Variants in PNPLA8 observed in about 807,000 individuals in gnomAD.
PNPLA8 encodes patatin like domain 8, phospholipase A2, also known as calcium-independent phospholipase A2-gamma.
In PNPLA8, 39 loss-of-function variants were observed where a neutral mutation model predicts 76.9. That is an observed-to-expected ratio of 0.51 (90% CI 0.39 to 0.66). PNPLA8 has a LOEUF of 0.66. Among genes scored for constraint, PNPLA8 ranks in the 30% least tolerant of loss-of-function variants. The pLI is 0.00. For missense variants in PNPLA8, 887 were observed against 918.0 expected, an observed-to-expected ratio of 0.97 and a Z score of 0.44; for synonymous variants, 301 against 307.9, an observed-to-expected ratio of 0.98 and a Z score of 0.24.
chr7:108,499,193 A>G (rs1861772452), intron 5 of PNPLA8, among the ~76,000 whole-genome samples: 2 of 152,238 alleles, frequency 1.3e-5, no homozygotes, highest in Non-Finnish European at 2.9e-5. Flanking sequence ...ACAGAAAAAG[A>G]TTAGAAGAAA....
In PNPLA8 at chr7:108,502,586, C is replaced by T. The variant is rs1207037653; in HGVS notation, c.1263G>A (p.Gln421=). 1 of 1,611,834 alleles carries T rather than the reference C, an allele frequency of 6.2e-7. No individual in the cohort carries two copies. The highest frequency in any genetic ancestry group is 8.5e-7 in the Non-Finnish European group (1 of 1,178,250). The change falls in exon 5 of 11, where the codon CAG becomes CAA. Residue 421 remains glutamine (Q), a synonymous_variant. Transcript: ENST00000257694. ...RLRQIKDETL[Q]AAVREILALI... is the part of the protein sequence containing the mutation. ...GGGCCAAAATTTCTCTAACTGCAGC[C>T]TGAAGAGTTTCATCCTTAATTTGTC...
In PNPLA8 at chr7:108,519,402, A is replaced by G. The variant is rs566335373; in HGVS notation, c.-84+2074T>C. Among the ~76,000 whole-genome samples, 3 of 152,282 alleles carry G rather than the reference A, an allele frequency of 2.0e-5. No individual in the cohort carries two copies. In the East Asian group the frequency reaches 5.8e-4, roughly 29 times the overall value. ...CAAAACTACACACACAGAGGCAAAC[A>G]GAAGAAAGCATGTAAGAAAGCACAG... On this transcript the variant is annotated intron_variant, in intron 2 of 10. Transcript: ENST00000257694.
rs898389741 is a variant in PNPLA8 at position 108,472,434 on chromosome 7, CAT to C, written c.2314_2315del (p.Met772ValfsTer2). Reference sequence around the variant, plus strand: ...TTGAAAAGAATGGAAGTCCTTCATACATATCAGTTTTTAATTTTATCCAATCA... The same window carrying C: ...TTGAAAAGAATGGAAGTCCTTCATACATCAGTTTTTAATTTTATCCAATCA... ...INDWIKLKTD[M>X]YEGLPFFSKL On this transcript the variant is annotated frameshift_variant, in exon 11 of 11. Coordinates refer to ENST00000257694, the MANE Select transcript of PNPLA8 (RefSeq NM_001256007.3). LOFTEE classifies it high-confidence loss of function. 6.9e-6 allele frequency: 11 copies of C among 1,591,794 alleles called. No individual in the cohort carries two copies. Among genetic ancestry groups the C allele is most frequent in the Middle Eastern group, 1.7e-4 (1 of 5,984 alleles).
At chr7:108,506,345 T>A (rs1862422242) in intron 4 of PNPLA8, among the ~76,000 whole-genome samples, 1 of 151,852 alleles carries the variant, frequency 6.6e-6, no homozygotes, top group Non-Finnish European at 1.5e-5. Flanking sequence ...ACCACTGCAC[T>A]CCAGCCTGGA....
At chr7:108,505,311 T>C (rs1334839397) in intron 4 of PNPLA8, among the ~76,000 whole-genome samples, 2 of 3,024 alleles carry the variant, frequency 6.6e-4, no homozygotes, top group African/African-American at 1.4e-3. Context: ...TATATATATA[T>C]ATATATATAT....
intron 1 of PNPLA8, among the ~76,000 whole-genome samples, chr7:108,525,545 A>G (rs1342057169): frequency 6.6e-6 from 1 of 152,252 alleles, no homozygotes; most frequent in African/African-American, 2.4e-5. Context: ...ACAGCGGTCA[A>G]GGATAGAATC....
At chr7:108,518,226 C>T (rs557036228) in intron 2 of PNPLA8, 2 of 152,330 alleles carry the variant, frequency 1.3e-5, no homozygotes, top group African/African-American at 4.8e-5. Flanking sequence ...ATGATTTCCA[C>T]ATGAATTTTG....
chr7:108,502,319 T>A (rs1029247673), intron 5 of PNPLA8, among the ~76,000 whole-genome samples, 172 bp downstream of exon 5: 11 of 151,726 alleles, frequency 7.2e-5, no homozygotes, highest in Non-Finnish European at 1.2e-4. Context: ...GGCGGGAGCC[T>A]GTAAATCCAG....
At chr7:108,501,170 G>C (rs984309190) in intron 5 of PNPLA8, among the ~76,000 whole-genome samples, 49 of 152,242 alleles carry the variant, frequency 3.2e-4, no homozygotes, top group Non-Finnish European at 7.2e-4. Flanking sequence ...AGAACAATAG[G>C]CAGGGCATGT....
At chr7:108,518,401 C>T (rs1008802454) in intron 2 of PNPLA8, 2 of 152,068 alleles carry the variant, frequency 1.3e-5, no homozygotes, top group African/African-American at 4.8e-5. Flanking sequence ...CCCTAAAAAT[C>T]CTCTGTATAG....
chr7:108,526,212 G>T, upstream of PNPLA8: 1 of 503,754 alleles, frequency 2.0e-6, no homozygotes, highest in Non-Finnish European at 2.6e-6. Flanking sequence ...TAGAAGTTTG[G>T]GTCTACCCGC....
intron 4 of PNPLA8, among the ~76,000 whole-genome samples, chr7:108,513,366 G>C (rs758700736): frequency 3.9e-5 from 6 of 151,952 alleles, no homozygotes; most frequent in Non-Finnish European, 5.9e-5. Flanking sequence ...CACAAGTAAG[G>C]ATGGGTACAT....
At position 108,487,790 on chromosome 7, in the gene PNPLA8, G is replaced by C; in HGVS notation, c.1847C>G (p.Ala616Gly). The C allele has an allele frequency of 6.2e-7, 1 of 1,611,188 alleles. No homozygotes were observed. The highest frequency in any genetic ancestry group is 1.1e-5 in the South Asian group (1 of 90,442). ...RASSAAPGYF[A>G]EYALGNDLHQ... ...AAGATCATTTCCCAATGCATATTCT[G>C]CAAAGTAGCCTGGAGCAGCAGATGA... The change falls in exon 9 of 11, where the codon GCA (alanine) becomes GGA (glycine). Residue 616 changes from alanine (A) to glycine (G), a missense_variant. Transcript: ENST00000257694.
rs145947932 is a variant in PNPLA8, at chr7:108,506,644, C to T, written c.1207-4002G>A. 6.0e-5 allele frequency among the ~76,000 whole-genome samples: 9 copies of T among 151,072 alleles called. No individual in the cohort carries two copies. The East Asian group carries it at 1.8e-3, about 29-fold the overall frequency. ...AACTGCAAACCATCCAAATGTCTAG[C>T]AATAGAGGGAAAAATGAAAAGTATA... On this transcript the variant is annotated intron_variant, in intron 4 of 10. Coordinates refer to ENST00000257694, the MANE Select transcript of PNPLA8 (RefSeq NM_001256007.3).
At chr7:108,495,118 C>G (rs915409395) in intron 7 of PNPLA8, among the ~76,000 whole-genome samples, 2 of 152,052 alleles carry the variant, frequency 1.3e-5, no homozygotes, top group African/African-American at 2.4e-5. Flanking sequence ...GATGAATAAG[C>G]TAAAACCACT....
chr7:108,472,300 C>A lies in PNPLA8; in HGVS notation c.*101G>T. ...TTTTCAGGATTCTCCAGAATTCATACGTATTTCAAAGTTAACTCATGTCGA... is the reference window on the plus strand; with the variant it reads ...TTTTCAGGATTCTCCAGAATTCATAAGTATTTCAAAGTTAACTCATGTCGA... On this transcript the variant is annotated 3_prime_UTR_variant, in exon 11 of 11. Coordinates refer to ENST00000257694, the MANE Select transcript of PNPLA8 (RefSeq NM_001256007.3). 1.3e-6 allele frequency: 1 copy of A among 780,408 alleles called. No homozygotes were observed. Among genetic ancestry groups the A allele is most frequent in the Non-Finnish European group, 2.1e-6 (1 of 484,174 alleles). 48.3% of individuals were successfully genotyped at this position (780,408 alleles called of 1,614,324 possible).
Position 108,514,290 on chromosome 7 carries a change from TA to T in PNPLA8, c.1059del (p.Ile354SerfsTer4). On this transcript the variant is annotated frameshift_variant and splice_region_variant, in exon 4 of 11. Coordinates refer to ENST00000257694, the MANE Select transcript of PNPLA8 (RefSeq NM_001256007.3). LOFTEE classifies it high-confidence loss of function. ...KKRLSLQREK[I>X]IARVSIDNRT... ...CTGTTATCAATACTCACCCTTGCGA[TA>T]ATCTACAAAGACATATTAAATAGAT... 1.2e-6 allele frequency: 2 copies of T among 1,608,520 alleles called. No individual in the cohort carries two copies. The highest frequency in any genetic ancestry group is 1.7e-6 in the Non-Finnish European group (2 of 1,176,782).
chr7:108,496,706 T>G lies in PNPLA8; in HGVS notation c.1503A>C (p.Glu501Asp). The part of the protein sequence containing the change: ...MLGLFHMPLD[E>D]CEELYRKLGS... ...CTAATTTTCGATAAAGTTCCTCACA[T>G]TCATCCAAGGGCATATGAAACAACC... The change falls in exon 7 of 11, where the codon GAA becomes GAC. Residue 501 changes from glutamate (E) to aspartate (D), a missense_variant. Physicochemically the swap from Glu to Asp is conservative, Grantham distance 45. Transcript: ENST00000257694. The G allele has an allele frequency of 6.2e-7, 1 of 1,611,752 alleles. No homozygotes were observed. Among genetic ancestry groups the G allele is most frequent in the Non-Finnish European group, 8.5e-7 (1 of 1,178,900 alleles).
chr7:108,487,877 G>A lies in PNPLA8; in HGVS notation c.1760C>T (p.Pro587Leu). Residue 587 changes from proline (P) to leucine (L), a missense_variant, in exon 9 of 11, where the codon CCT becomes CTT. Pro to Leu is a moderately conservative substitution (Grantham distance 98). Coordinates refer to ENST00000257694, the MANE Select transcript of PNPLA8 (RefSeq NM_001256007.3). ...TCCCAAATAATGAGAGTTGATTCCAGGAAAATGACCATAGTTTCTGAACAC... is the reference window on the plus strand; with the variant it reads ...TCCCAAATAATGAGAGTTGATTCCAAGAAAATGACCATAGTTTCTGAACAC... ...AFVFRNYGHF[P>L]GINSHYLGGC... The A allele has an allele frequency of 6.2e-7, 1 of 1,613,218 alleles. No homozygotes were observed. The highest frequency in any genetic ancestry group is 8.5e-7 in the Non-Finnish European group (1 of 1,179,356).
Sources: gnomAD v4.1 joint callset for allele counts (sites outside exome capture counted in the v4.1 genomes callset) on GRCh38, gnomAD v4.1.1 for gene constraint, MANE v1.5 for transcripts, NCBI Gene and HGNC (gene_info 2026-07-23, HGNC 2026-07-21) for gene names.